NCF1: variants seen among roughly 807,000 people sequenced by gnomAD.
NCF1 encodes neutrophil cytosolic factor 1, also known as neutrophil cytosol factor 1.
A neutral mutation model predicts 34.9 loss-of-function variants in NCF1; 8 were observed. That is an observed-to-expected ratio of 0.23 (90% CI 0.13 to 0.41). The LOEUF (loss-of-function observed/expected upper bound fraction) is 0.41. NCF1 is among the 10% of genes least tolerant of loss of function. The pLI is 1.00. For synonymous variants in NCF1, 57 were observed against 146.3 expected (o/e 0.39, Z 4.41); for missense variants, 122 against 362.4 (o/e 0.34, Z 5.39).
At chr7:74,787,628 G>A (rs1312966123) in intron 8 of NCF1, among the ~76,000 whole-genome samples, 2 of 150,904 alleles carry the variant, frequency 1.3e-5, no homozygotes, top group African/African-American at 4.9e-5. Context: ...ATGTTACCCA[G>A]GCTGATCTCC....
At chr7:74,782,896 G>GGCCCTGCAATGCCCACTC in intron 5 of NCF1, 43 bp from the exon 6 acceptor site, 2 of 1,568,292 alleles carry the variant, frequency 1.3e-6, no homozygotes, top group Non-Finnish European at 1.7e-6. Flanking sequence ...GGCCCAGATG[G>GGCCCTGCAATGCCCACTC]GCCCTGCAAT....
At chr7:74,783,303 TG>T in intron 6 of NCF1, 1 of 762,016 alleles carries the variant, frequency 1.3e-6, no homozygotes, top group Non-Finnish European at 2.3e-6. Context: ...TGGATGGGTA[TG>T]GGACCGTCTG....
At position 74,779,309 on chromosome 7, in the gene NCF1, T is replaced by TA. The variant is rs1423739040; in HGVS notation, c.283dup (p.Thr95AsnfsTer29). 6.2e-7 allele frequency: 1 copy of TA among 1,608,360 alleles called. No homozygotes were observed. The highest frequency in any genetic ancestry group is 1.4e-5 in the African/African-American group (1 of 73,602). ...CCGCCGAGAACCGCCAGGGCACACT[T>TA]ACCGAGTACTGCAGCACGCTCATGA... is the stretch of plus-strand genomic sequence containing the variant. On this transcript the variant is annotated frameshift_variant, in exon 4 of 11. Coordinates refer to ENST00000289473, the MANE Select transcript of NCF1 (RefSeq NM_000265.7). LOFTEE classifies it high-confidence loss of function.
rs1554413130 is a variant in NCF1, at chr7:74,777,301, C to T, written c.107C>T (p.Ser36Leu). ...YMFLVKWQDL[S>L]EKVVYRRFTE... Reference sequence around the variant, plus strand: ...TTCCTGGTGAAATGGCAGGACCTGTCGGAGAAGGTGGTCTACCGGCGCTTC... The same window carrying T: ...TTCCTGGTGAAATGGCAGGACCTGTTGGAGAAGGTGGTCTACCGGCGCTTC... Residue 36 changes from serine (S) to leucine (L), a missense_variant, in exon 2 of 11, where the codon TCG becomes TTG. Physicochemically the swap from Ser to Leu is moderately radical, Grantham distance 145. This residue lies in a region of NCF1 where 12 missense variants were observed against 30.0 expected (regional missense o/e 0.40). Transcript: ENST00000289473. The T allele has an allele frequency of 1.1e-5, 17 of 1,611,436 alleles. No individual in the cohort carries two copies. Among genetic ancestry groups the T allele is most frequent in the African/African-American group, 1.3e-5 (1 of 74,654 alleles).
rs1238755638 is a variant in NCF1 at position 74,788,552 on chromosome 7, G to A, written c.906-7G>A. On this transcript the variant is annotated splice_polypyrimidine_tract_variant and splice_region_variant and intron_variant, in intron 9 of 10. Coordinates refer to ENST00000289473, the MANE Select transcript of NCF1 (RefSeq NM_000265.7). Reference sequence around the variant, plus strand: ...GGCTTTGACGACGCCCCGTCCCGCTGGGCCAGGTCGTCCATCCGCAACGCG... The same window carrying A: ...GGCTTTGACGACGCCCCGTCCCGCTAGGCCAGGTCGTCCATCCGCAACGCG... The A allele has an allele frequency of 7.8e-6, 12 of 1,542,262 alleles. No individual in the cohort carries two copies. The highest frequency in any genetic ancestry group is 1.0e-5 in the Non-Finnish European group (12 of 1,146,462).
rs782404949 is a variant in NCF1 at position 74,782,997 on chromosome 7, C to T, written c.510C>T (p.Thr170=). 8.7e-6 allele frequency: 14 copies of T among 1,611,394 alleles called. 1 individual carries two copies. The South Asian group carries it at 1.3e-4, about 15-fold the overall frequency. ...GCGCCATTGCCAACTACGAGAAGAC[C>T]TCGGGCTCCGAGATGGCTCTGTCCA... ...TYRAIANYEK[T]SGSEMALSTG... is the part of the protein sequence containing the mutation. Residue 170 remains threonine, a synonymous_variant, in exon 6 of 11, where the codon ACC becomes ACT. Coordinates refer to ENST00000289473, the MANE Select transcript of NCF1 (RefSeq NM_000265.7).
rs782794889 is a variant in NCF1, at chr7:74,783,023, C to T, written c.536C>T (p.Thr179Met). Residue 179 changes from threonine to methionine, a missense_variant, in exon 6 of 11, where the codon ACG (threonine) becomes ATG (methionine). Coordinates refer to ENST00000289473, the MANE Select transcript of NCF1 (RefSeq NM_000265.7). ...TCGGGCTCCGAGATGGCTCTGTCCA[C>T]GGGGGACGTGGTGGAGGTCGTAGAG... is the stretch of plus-strand genomic sequence containing the variant. The part of the protein sequence containing the change: ...KTSGSEMALS[T>M]GDVVEVVEKS... The T allele has an allele frequency of 7.4e-6, 12 of 1,611,452 alleles. No homozygotes were observed. Among genetic ancestry groups the T allele is most frequent in the African/African-American group, 1.3e-5 (1 of 74,736 alleles).
intron 6 of NCF1, 82 bp downstream of exon 6, chr7:74,783,143 G>C (rs1554414012): frequency 1.9e-6 from 3 of 1,579,472 alleles, no homozygotes; most frequent in Non-Finnish European, 2.6e-6. Flanking sequence ...GGCTCAGGCA[G>C]CCTTGCCCCT....
chr7:74,787,655 C>G (rs1191851222), intron 8 of NCF1, among the ~76,000 whole-genome samples: 3 of 150,296 alleles, frequency 2.0e-5, no homozygotes, highest in African/African-American at 7.4e-5. Context: ...TGGCCTCAAG[C>G]GATCCTCCCA....
At chr7:74,778,629 AG>A (rs1796519454) in intron 2 of NCF1, among the ~76,000 whole-genome samples, 1 of 147,164 alleles carries the variant, frequency 6.8e-6, no homozygotes, top group Admixed American at 6.9e-5. Context: ...GGAGGGAGAG[AG>A]GTCAGTGCCT....
intron 10 of NCF1, 21 bp downstream of exon 10, chr7:74,788,725 C>A (rs1359876200): frequency 5.2e-6 from 8 of 1,548,936 alleles, no homozygotes; most frequent in Admixed American, 1.9e-5. Context: ...CGGGAGAGGG[C>A]AGGAAGGGCA....
At chr7:74,776,039 C>T (rs2906281) in intron 1 of NCF1, among the ~76,000 whole-genome samples, 5,594 of 54,222 alleles carry the variant, frequency 0.1, 565 homozygotes, top group African/African-American at 0.32. Flanking sequence ...CTCCGCCTCC[C>T]AGGTTCAAGC....
chr7:74,782,432 CAAAA>C (rs1191148986), intron 5 of NCF1, among the ~76,000 whole-genome samples: 1 of 33,034 alleles, frequency 3.0e-5, no homozygotes. Context: ...GACTCCATCT[CAAAA>C]AAAAAAAAAA....
chr7:74,785,769 G>C (rs1181114742), intron 8 of NCF1, among the ~76,000 whole-genome samples: 3 of 151,274 alleles, frequency 2.0e-5, no homozygotes, highest in Non-Finnish European at 2.9e-5. Flanking sequence ...TGTAATCCCA[G>C]CTACTCGGGA....
chr7:74,777,221 C>T (rs1554413096), intron 1 of NCF1, 46 bp from the exon 2 acceptor site: 1 of 1,554,866 alleles, frequency 6.4e-7, no homozygotes, highest in Non-Finnish European at 8.8e-7. Context: ...ACAGCAAAGC[C>T]TCTTTGGAGG....
Position 74,777,194 on chromosome 7 carries a change from T to C in NCF1, c.73-73T>C, listed in dbSNP as rs1796484783. On this transcript the variant is annotated intron_variant, in intron 1 of 10. Transcript: ENST00000289473. Reference sequence around the variant, plus strand: ...CCTCTGGGCTTCCTCCAGTGGGTAGTGGGATCCTGGGTGCACACAGCAAAG... The same window carrying C: ...CCTCTGGGCTTCCTCCAGTGGGTAGCGGGATCCTGGGTGCACACAGCAAAG... 12 of 1,041,916 alleles carry C rather than the reference T, an allele frequency of 1.2e-5. No individual in the cohort carries two copies. In the South Asian group the frequency reaches 1.2e-4, roughly 10 times the overall value. The allele number at this position is 1,041,916 out of a possible 1,614,324, so 64.5% of individuals were successfully genotyped here. A position where few individuals can be genotyped will look rare whatever the true frequency, so the allele number is the denominator to read the frequency against.
intron 7 of NCF1, among the ~76,000 whole-genome samples, chr7:74,784,217 C>T: frequency 6.7e-6 from 1 of 148,264 alleles, no homozygotes; most frequent in Non-Finnish European, 1.5e-5. Context: ...GCATGCACCA[C>T]CATGCCTGGA....
intron 8 of NCF1, chr7:74,785,614 G>A (rs1796657026): frequency 5.5e-6 from 2 of 364,252 alleles, no homozygotes; most frequent in Non-Finnish European, 1.1e-5. Flanking sequence ...TAGGCGCAAT[G>A]GCTCAGGCCT....
In NCF1 at chr7:74,788,650, C is replaced by G. The variant is rs782481752; in HGVS notation, c.997C>G (p.Gln333Glu). Residue 333 changes from glutamine (Q) to glutamate (E), a missense_variant, in exon 10 of 11, where the codon CAG (glutamine) becomes GAG (glutamate). By Grantham distance (29) the Gln-to-Glu change is conservative. Transcript: ENST00000289473. ...TCGCCGCAACAGCGTCCGTTTTCTG[C>G]AGCAGCGACGCCGCCAGGCGCGGCC... The part of the protein sequence containing the change: ...AYRRNSVRFL[Q>E]QRRRQARPGP... 4 of 1,550,410 alleles carry G rather than the reference C, an allele frequency of 2.6e-6. No individual in the cohort carries two copies. In the South Asian group the frequency reaches 4.7e-5, roughly 18 times the overall value.
Sources: allele counts gnomAD v4.1 joint callset (sites outside exome capture counted in the v4.1 genomes callset), GRCh38; gene constraint gnomAD v4.1.1; regional missense constraint gnomAD v4.1.1; transcripts MANE v1.5; gene names NCBI Gene and HGNC (gene_info 2026-07-23, HGNC 2026-07-21).